ENPP2: variants seen among roughly 807,000 people sequenced by gnomAD.
ENPP2 encodes the protein ectonucleotide pyrophosphatase/phosphodiesterase 2, also known as autotaxin.
Under a neutral mutation model 120.2 loss-of-function variants are expected in ENPP2, and 51 were observed. That is an observed-to-expected ratio of 0.42 (90% CI 0.34 to 0.54). The LOEUF is 0.54. ENPP2 is among the 20% of genes least tolerant of loss of function. The pLI is 0.04. For missense variants in ENPP2, 920 were observed against 1,066.5 expected, an observed-to-expected ratio of 0.86 and a Z score of 1.91; for synonymous variants, 365 against 366.4, an observed-to-expected ratio of 1.00 and a Z score of 0.04.
At chr8:119,571,488 T>A (rs1814977285) in intron 19 of ENPP2, 1 of 152,126 alleles carries the variant, frequency 6.6e-6, no homozygotes, top group South Asian at 2.1e-4. Flanking sequence ...AGACCCCCAG[T>A]GCAGATTCAG....
intron 12 of ENPP2, chr8:119,593,055 A>T: frequency 1.7e-6 from 1 of 578,824 alleles, no homozygotes; most frequent in Non-Finnish European, 2.2e-6. Context: ...ACCCTTTAGA[A>T]CTCAGTCTGC....
At chr8:119,654,371 TTATA>T (rs980935439) in intron 1 of ENPP2, among the ~76,000 whole-genome samples, 9 of 143,832 alleles carry the variant, frequency 6.3e-5, no homozygotes, top group Non-Finnish European at 1.2e-4. Context: ...TATAATTATA[TTATA>T]TAGAGAGATA....
rs758207825 is a variant in ENPP2 at position 119,564,927 on chromosome 8, C to T, written c.2160G>A (p.Leu720=). The T allele has an allele frequency of 1.1e-5, 18 of 1,613,022 alleles. No individual in the cohort carries two copies. Among genetic ancestry groups the T allele is most frequent in the Non-Finnish European group, 1.5e-5 (18 of 1,179,432 alleles). ...TTCTTTCCGAAGCATATTTCTTCAC[C>T]AATACCCTTTGGAAATAATTCCAGA... ...KRVWNYFQRV[L]VKKYASERNG... The change falls in exon 23 of 25, where the codon TTG becomes TTA. Residue 720 remains leucine (L), a synonymous_variant. Coordinates refer to ENST00000075322, the MANE Select transcript of ENPP2 (RefSeq NM_001040092.3).
In ENPP2 at chr8:119,582,549, G is replaced by T; in HGVS notation, c.1597C>A (p.His533Asn). The T allele has an allele frequency of 6.2e-7, 1 of 1,613,772 alleles. No homozygotes were observed. Among genetic ancestry groups the T allele is most frequent in the East Asian group, 2.2e-5 (1 of 44,876 alleles). Residue 533 changes from histidine (H) to asparagine (N), a missense_variant, in exon 18 of 25, where the codon CAT becomes AAT. By Grantham distance (68) the His-to-Asn change is moderately conservative. Coordinates refer to ENST00000075322, the MANE Select transcript of ENPP2 (RefSeq NM_001040092.3). Reference sequence around the variant, plus strand: ...CTGAAGGTATTAGTGCGCAGGAGATGATTCAAACTTCCATGGGTCCCATTA... The same window carrying T: ...CTGAAGGTATTAGTGCGCAGGAGATTATTCAAACTTCCATGGGTCCCATTA... ...PNNGTHGSLNHLLRTNTFRPT... is the reference protein window; with the variant it reads ...PNNGTHGSLNNLLRTNTFRPT...
intron 13 of ENPP2, among the ~76,000 whole-genome samples, chr8:119,588,741 A>G (rs1348186570): frequency 2.0e-5 from 3 of 152,150 alleles, no homozygotes; most frequent in Admixed American, 2.0e-4. Context: ...AAGTAAGTTC[A>G]TGGTCTTTGA....
chr8:119,644,580 T>G (rs1294850032), intron 1 of ENPP2, among the ~76,000 whole-genome samples: 1 of 76,988 alleles, frequency 1.3e-5, no homozygotes, highest in South Asian at 4.4e-4. Flanking sequence ...TGACTGGAGA[T>G]TACTAAAATA....
At chr8:119,672,266 G>T (rs1247368133) in intron 1 of ENPP2, among the ~76,000 whole-genome samples, 1 of 152,200 alleles carries the variant, frequency 6.6e-6, no homozygotes, top group African/African-American at 2.4e-5. Flanking sequence ...AATACCTGAT[G>T]AGCAGAAGTG....
chr8:119,561,162 T>G (rs1219271956), intron 24 of ENPP2, among the ~76,000 whole-genome samples: 2 of 152,232 alleles, frequency 1.3e-5, no homozygotes, highest in African/African-American at 4.8e-5. Flanking sequence ...TATTTAAACT[T>G]TCTAATTTTC....
At chr8:119,638,594 T>C (rs762807309) in intron 1 of ENPP2, 67 bp from the exon 2 acceptor site, 4 of 1,075,630 alleles carry the variant, frequency 3.7e-6, no homozygotes, top group Non-Finnish European at 5.8e-6. Context: ...TACACAAAGG[T>C]GATTCAAATG....
chr8:119,655,988 C>G (rs758432808), intron 1 of ENPP2, among the ~76,000 whole-genome samples: 53 of 152,160 alleles, frequency 3.5e-4, no homozygotes, highest in Admixed American at 6.5e-4. Context: ...GATTCTCTTA[C>G]GGACAGTTTC....
At chr8:119,565,580 C>T (rs776574038) in intron 22 of ENPP2, among the ~76,000 whole-genome samples, 1 of 152,208 alleles carries the variant, frequency 6.6e-6, no homozygotes, top group African/African-American at 2.4e-5. Context: ...GGCCAAAAGC[C>T]TAAGAGTCAT....
At chr8:119,642,433 T>C (rs992172680), upstream of ENPP2, among the ~76,000 whole-genome samples, 10 of 152,212 alleles carry the variant, frequency 6.6e-5, no homozygotes, top group African/African-American at 2.4e-4. Flanking sequence ...ATGCTAACGA[T>C]GGTTGACATA....
In ENPP2 at chr8:119,562,999, C is replaced by T. The variant is rs1814097703; in HGVS notation, c.2279G>A (p.Ser760Asn). 3 of 1,613,268 alleles carry T rather than the reference C, an allele frequency of 1.9e-6. No homozygotes were observed. The highest frequency in any genetic ancestry group is 2.5e-6 in the Non-Finnish European group (3 of 1,179,550). The change falls in exon 24 of 25, where the codon AGT (serine) becomes AAT (asparagine). Residue 760 changes from serine to asparagine, a missense_variant. Coordinates refer to ENST00000075322, the MANE Select transcript of ENPP2 (RefSeq NM_001040092.3). ...EDKIKQYVEG[S>N]SIPVPTHYYS... ...GTAGTGAGTTGGAACAGGAATGGAA[C>T]TGCCTTCCACGTACCTGAAACAGGA...
chr8:119,662,471 A>AC (rs146640689), intron 1 of ENPP2, among the ~76,000 whole-genome samples: 1,561 of 152,282 alleles, frequency 0.01, 19 homozygotes, highest in African/African-American at 0.036. Flanking sequence ...CTCTGCCCAC[A>AC]CCAGACCTAC....
chr8:119,673,256 T>A, exon 1 of ENPP2: 1 of 1,535,018 alleles, frequency 6.5e-7, no homozygotes, highest in Non-Finnish European at 8.7e-7. Context: ...CCGTACCCGA[T>A]CGGCGTGGCG....
intron 13 of ENPP2, among the ~76,000 whole-genome samples, chr8:119,590,290 G>T (rs1389227503): frequency 6.6e-6 from 1 of 152,176 alleles, no homozygotes; most frequent in African/African-American, 2.4e-5. Flanking sequence ...AATATGCATA[G>T]ATTAATTTCT....
chr8:119,645,591 G>A (rs772886501), intron 1 of ENPP2, among the ~76,000 whole-genome samples: 5 of 152,134 alleles, frequency 3.3e-5, no homozygotes, highest in East Asian at 3.9e-4. Flanking sequence ...TTGGGAGGCC[G>A]AGGCAGGTGG....
At chr8:119,560,195 T>G (rs893068106) in intron 24 of ENPP2, among the ~76,000 whole-genome samples, 3 of 152,206 alleles carry the variant, frequency 2.0e-5, no homozygotes, top group Non-Finnish European at 4.4e-5. Flanking sequence ...CTTTGTAGTC[T>G]TTTCATCTTA....
Position 119,562,870 on chromosome 8 carries a change from T to G in ENPP2, c.2408A>C (p.Glu803Ala). 1 of 1,614,060 alleles carries G rather than the reference T, an allele frequency of 6.2e-7. No homozygotes were observed. The highest frequency in any genetic ancestry group is 8.5e-7 in the Non-Finnish European group (1 of 1,179,976). The change falls in exon 24 of 25, where the codon GAG becomes GCG. Residue 803 changes from glutamate (E) to alanine (A), a missense_variant. Physicochemically the swap from Glu to Ala is moderately radical, Grantham distance 107. Transcript: ENST00000075322. ...CTGTAAACTCACATTGCAGCTCTCC[T>G]CGTTGTCAGGCCGGTGAGGCAGGAT... ...SFILPHRPDN[E>A]ESCNSSEDES...
Sources: gnomAD v4.1 joint callset for allele counts (sites outside exome capture counted in the v4.1 genomes callset) on GRCh38, gnomAD v4.1.1 for gene constraint, MANE v1.5 for transcripts, NCBI Gene and HGNC (gene_info 2026-07-23, HGNC 2026-07-21) for gene names.